Variants in TET2 observed in about 807,000 individuals in gnomAD.
The protein encoded by TET2 is tet methylcytosine dioxygenase 2.
TET2 carries 299 observed loss-of-function variants against 142.9 expected under a neutral mutation model. The observed-to-expected ratio is 2.09, with a 90% CI of 1.90 to 2.30. The LOEUF (loss-of-function observed/expected upper bound fraction) is 2.30, where lower values mean the gene tolerates loss of function less well. TET2 is among the 30% of genes most tolerant of loss of function. The pLI is 0.00. For missense variants in TET2, 2,418 were observed against 2,378.0 expected (o/e 1.02, Z -0.35); for synonymous variants, 819 against 849.0 (o/e 0.96, Z 0.61).
At chr4:105,251,523 GTATAT>G (rs1482332163) in intron 6 of TET2, among the ~76,000 whole-genome samples, 12 of 152,078 alleles carry the variant, frequency 7.9e-5, no homozygotes, top group South Asian at 4.1e-4. Flanking sequence ...TATTAATATG[GTATAT>G]TATATTGATT....
chr4:105,202,377 G>T (rs1726535587), intron 2 of TET2: 1 of 152,124 alleles, frequency 6.6e-6, no homozygotes, highest in South Asian at 2.1e-4. Flanking sequence ...TGAGATGTGA[G>T]ATGACTGCTG....
In TET2 at chr4:105,236,222, TC is replaced by T; in HGVS notation, c.2282del (p.Pro761LeufsTer52). 6.2e-7 allele frequency: 1 copy of T among 1,614,082 alleles called. No individual in the cohort carries two copies. Among genetic ancestry groups the T allele is most frequent in the Non-Finnish European group, 8.5e-7 (1 of 1,180,030 alleles). ...KNKEEILQTFPHPQSNNDQQR... is the reference protein window; with the variant it reads ...KNKEEILQTFXHPQSNNDQQR... Reference sequence around the variant, plus strand: ...ATAAAGAGGAAATACTCCAGACTTTTCCTCACCCCCAAAGCAACAATGATCA... The same window carrying T: ...ATAAAGAGGAAATACTCCAGACTTTTCTCACCCCCAAAGCAACAATGATCA... On this transcript the variant is annotated frameshift_variant, in exon 3 of 11. Coordinates refer to ENST00000380013, the MANE Select transcript of TET2 (RefSeq NM_001127208.3). LOFTEE classifies it high-confidence loss of function.
intron 1 of TET2, among the ~76,000 whole-genome samples, chr4:105,169,116 G>T (rs1401293968): frequency 1.3e-5 from 2 of 152,160 alleles, no homozygotes; most frequent in African/African-American, 4.8e-5. Context: ...GGGATTGCTG[G>T]ATCAAATGGT....
chr4:105,243,534 T>TG, intron 5 of TET2, 36 bp from the exon 6 acceptor site: 5 of 1,536,014 alleles, frequency 3.3e-6, no homozygotes, highest in South Asian at 1.2e-5. Context: ...TTGGTTGGGG[T>TG]GGGGGGTGTT....
At chr4:105,179,874 C>T (rs963736099) in intron 1 of TET2, among the ~76,000 whole-genome samples, 5 of 152,214 alleles carry the variant, frequency 3.3e-5, no homozygotes, top group Admixed American at 2.0e-4. Flanking sequence ...TTAAGTTTAT[C>T]CCACTATTAG....
intron 2 of TET2, among the ~76,000 whole-genome samples, chr4:105,226,893 A>C (rs1481281659): frequency 1.3e-5 from 2 of 152,232 alleles, no homozygotes; most frequent in Non-Finnish European, 2.9e-5. Context: ...AATGCTATTT[A>C]GTCATTCCAG....
chr4:105,240,684 C>T (rs924038908), intron 3 of TET2: 11 of 1,080,240 alleles, frequency 1.0e-5, no homozygotes, highest in African/African-American at 3.3e-5. Flanking sequence ...TCACTCTTCT[C>T]TTATCACCCA....
intron 1 of TET2, among the ~76,000 whole-genome samples, chr4:105,189,311 C>T (rs915602634): frequency 1.3e-5 from 2 of 152,132 alleles, no homozygotes; most frequent in African/African-American, 4.8e-5. Flanking sequence ...GGAACCTGAG[C>T]TTCAACTGCT....
intron 6 of TET2, among the ~76,000 whole-genome samples, chr4:105,248,163 G>A (rs1195834161): frequency 6.6e-6 from 1 of 152,174 alleles, no homozygotes; most frequent in African/African-American, 2.4e-5. Context: ...GATATTAAGA[G>A]TGTTTAGCAT....
At chr4:105,266,864 C>T (rs758307746) in intron 8 of TET2, among the ~76,000 whole-genome samples, 1 of 151,856 alleles carries the variant, frequency 6.6e-6, no homozygotes, top group Non-Finnish European at 1.5e-5. Flanking sequence ...TTGTTCAAAA[C>T]TGTGAACCCA....
intron 6 of TET2, among the ~76,000 whole-genome samples, chr4:105,246,689 A>G (rs952832978): frequency 6.6e-6 from 1 of 152,222 alleles, no homozygotes; most frequent in African/African-American, 2.4e-5. Flanking sequence ...GAAAATTACA[A>G]CTTTTTGCCA....
chr4:105,254,528 C>T (rs893093586), intron 6 of TET2, among the ~76,000 whole-genome samples: 3 of 152,160 alleles, frequency 2.0e-5, no homozygotes, highest in Non-Finnish European at 4.4e-5. Flanking sequence ...TTACCCACCT[C>T]AGCCTCCCAA....
rs777619320 is a variant in TET2 at position 105,235,114 on chromosome 4, C to T, written c.1172C>T (p.Ser391Phe). The part of the protein sequence containing the change: ...FKQSSVFTKD[S>F]FSATTTPPPP... ...CAAAGCTCAGTGTTCACTAAGGATT[C>T]CTTTTCTGCCACTACCACACCACCA... The change falls in exon 3 of 11, where the codon TCC becomes TTC. Residue 391 changes from serine (S) to phenylalanine (F), a missense_variant. Transcript: ENST00000380013. 1 of 1,613,922 alleles carries T rather than the reference C, an allele frequency of 6.2e-7. No individual in the cohort carries two copies. Among genetic ancestry groups the T allele is most frequent in the Non-Finnish European group, 8.5e-7 (1 of 1,179,918 alleles).
At chr4:105,261,981 C>A (rs1730456849) in intron 8 of TET2, 133 bp downstream of exon 8, 7 of 616,814 alleles carry the variant, frequency 1.1e-5, no homozygotes, top group Non-Finnish European at 1.7e-5. Flanking sequence ...GAAACCACTG[C>A]AGTGTTCAGT....
intron 2 of TET2, among the ~76,000 whole-genome samples, chr4:105,225,169 C>T (rs1487690872): frequency 9.0e-6 from 1 of 110,958 alleles, no homozygotes; most frequent in Admixed American, 8.5e-5. Flanking sequence ...TCATGCTGCA[C>T]CATATAGTAA....
Position 105,235,044 on chromosome 4 carries a change from G to T in TET2, c.1102G>T (p.Glu368Ter), listed in dbSNP as rs1397648058. 1 of 1,614,096 alleles carries T rather than the reference G, an allele frequency of 6.2e-7. No individual in the cohort carries two copies. The highest frequency in any genetic ancestry group is 1.3e-5 in the African/African-American group (1 of 75,024). ...TTTGCAAGCTCCTGGTGGCAGCTCT[G>T]AACGGTATTTAAAACAAAATGAAAT... is the stretch of plus-strand genomic sequence containing the variant. ...SNLQAPGGSSERYLKQNEMNG... is the reference protein window; with the variant it reads ...SNLQAPGGSS The change falls in exon 3 of 11, where the codon GAA becomes TAA. Residue 368 changes from glutamate to a stop codon, truncating the protein, a stop_gained. Coordinates refer to ENST00000380013, the MANE Select transcript of TET2 (RefSeq NM_001127208.3). LOFTEE classifies it high-confidence loss of function.
chr4:105,200,665 G>A (rs1726403874), intron 2 of TET2, among the ~76,000 whole-genome samples: 1 of 151,126 alleles, frequency 6.6e-6, no homozygotes, highest in South Asian at 2.1e-4. Context: ...TTTTGTTTTT[G>A]TTTTTGTTTT....
chr4:105,242,014 G>A, intron 4 of TET2: 1 of 1,240,216 alleles, frequency 8.1e-7, no homozygotes, highest in Non-Finnish European at 1.0e-6. Flanking sequence ...AGACTCTTAT[G>A]AGCGAGATAA....
intron 10 of TET2, 96 bp from the exon 11 acceptor site, chr4:105,274,952 G>A: frequency 1.4e-6 from 2 of 1,424,838 alleles, no homozygotes; most frequent in South Asian, 3.1e-5. Flanking sequence ...CACTAGTGGA[G>A]TTTCTTACCT....
Sources: gnomAD v4.1 joint callset for allele counts (sites outside exome capture counted in the v4.1 genomes callset) on GRCh38, gnomAD v4.1.1 for gene constraint, MANE v1.5 for transcripts, NCBI Gene and HGNC (gene_info 2026-07-23, HGNC 2026-07-21) for gene names.